Variants in NCKAP5 observed in about 807,000 individuals in gnomAD.
The protein encoded by NCKAP5 is nck-associated protein 5.
A neutral mutation model predicts 167.0 loss-of-function variants in NCKAP5; 92 were observed. That is an observed-to-expected ratio of 0.55 (90% CI 0.47 to 0.66). The LOEUF is 0.66. Ranked by LOEUF, NCKAP5 falls within the 30% of genes least tolerant of loss-of-function variation. NCKAP5 has a pLI of 0.00. For synonymous variants in NCKAP5, 891 were observed against 877.4 expected (o/e 1.02, Z -0.27); for missense variants, 2,378 against 2,315.0 (o/e 1.03, Z -0.56).
At chr2:132,781,835 G>T in intron 14 of NCKAP5, 105 bp downstream of exon 14, 2 of 1,083,242 alleles carry the variant, frequency 1.8e-6, no homozygotes. Flanking sequence ...CTGCCTGTAT[G>T]AAAAAACATG....
intron 4 of NCKAP5, among the ~76,000 whole-genome samples, chr2:133,225,033 A>G (rs903339208): frequency 6.6e-6 from 1 of 152,106 alleles, no homozygotes; most frequent in Non-Finnish European, 1.5e-5. Context: ...TGCCTCTGCA[A>G]CCCCACTTTG....
chr2:133,073,480 G>A (rs576554117), intron 6 of NCKAP5, among the ~76,000 whole-genome samples: 15 of 152,228 alleles, frequency 9.9e-5, no homozygotes, highest in African/African-American at 3.4e-4. Flanking sequence ...GATAGTGCCA[G>A]GCTGGCACAC....
chr2:133,402,111 T>C (rs1315313392), intron 3 of NCKAP5, among the ~76,000 whole-genome samples: 3 of 152,184 alleles, frequency 2.0e-5, no homozygotes, highest in African/African-American at 4.8e-5. Context: ...TTAGTTAGGA[T>C]TTAATCCAGA....
chr2:133,578,665 A>G, the NCKAP5 span, among the ~76,000 whole-genome samples: 1 of 152,152 alleles, frequency 6.6e-6, no homozygotes, highest in Non-Finnish European at 1.5e-5. Flanking sequence ...CACGTCTCCT[A>G]TGTTCAGTCC....
At chr2:133,088,693 A>G (rs2081075727) in intron 6 of NCKAP5, among the ~76,000 whole-genome samples, 1 of 152,200 alleles carries the variant, frequency 6.6e-6, no homozygotes, top group Admixed American at 6.6e-5. Context: ...ATTTACCTAC[A>G]ACATTATTTC....
At chr2:133,128,848 T>A (rs946803369) in intron 6 of NCKAP5, among the ~76,000 whole-genome samples, 1 of 152,082 alleles carries the variant, frequency 6.6e-6, no homozygotes, top group African/African-American at 2.4e-5. Context: ...TCCGCCCACC[T>A]TGGCCTTCCA....
intron 8 of NCKAP5, among the ~76,000 whole-genome samples, chr2:132,925,916 A>G (rs1461241600): frequency 6.6e-6 from 1 of 152,234 alleles, no homozygotes; most frequent in Non-Finnish European, 1.5e-5. Context: ...TTTAGGGGGT[A>G]CAAGTGCAGT....
At chr2:133,547,500 A>G (rs901129793) in intron 2 of NCKAP5, among the ~76,000 whole-genome samples, 21 of 152,012 alleles carry the variant, frequency 1.4e-4, no homozygotes, top group Admixed American at 1.3e-3. Flanking sequence ...TGAAGAGAGC[A>G]GTGGTTCTCC....
the NCKAP5 span, among the ~76,000 whole-genome samples, chr2:133,590,265 C>T: frequency 1.3e-5 from 2 of 151,836 alleles, no homozygotes; most frequent in African/African-American, 4.8e-5. Flanking sequence ...CCGAGGTGGG[C>T]AGATCACGAG....
intron 19 of NCKAP5, among the ~76,000 whole-genome samples, chr2:132,683,185 T>G (rs767188820): frequency 6.6e-6 from 1 of 152,010 alleles, no homozygotes; most frequent in African/African-American, 2.4e-5. Flanking sequence ...CACATAAAGA[T>G]AGTCTATAGA....
intron 19 of NCKAP5, among the ~76,000 whole-genome samples, chr2:132,680,076 G>T (rs1298561412): frequency 6.6e-6 from 1 of 152,050 alleles, no homozygotes; most frequent in Non-Finnish European, 1.5e-5. Context: ...GATCACTAGA[G>T]ACCCCTCCAC....
intron 6 of NCKAP5, among the ~76,000 whole-genome samples, chr2:133,039,046 G>A (rs923149826): frequency 4.6e-5 from 7 of 152,184 alleles, no homozygotes; most frequent in African/African-American, 1.7e-4. Flanking sequence ...AGACAAGGAT[G>A]TGGCCACCAA....
intron 6 of NCKAP5, among the ~76,000 whole-genome samples, chr2:133,014,844 A>G (rs1206287973): frequency 6.6e-6 from 1 of 152,196 alleles, no homozygotes; most frequent in African/African-American, 2.4e-5. Flanking sequence ...CCATTGAAAG[A>G]CTTTCTAATT....
At chr2:132,844,329 G>T (rs995345224) in intron 11 of NCKAP5, among the ~76,000 whole-genome samples, 1 of 151,926 alleles carries the variant, frequency 6.6e-6, no homozygotes, top group Non-Finnish European at 1.5e-5. Flanking sequence ...TTACTGTAAA[G>T]AATTCAAATA....
chr2:133,338,335 G>A (rs544553663), intron 3 of NCKAP5, among the ~76,000 whole-genome samples: 70 of 152,224 alleles, frequency 4.6e-4, no homozygotes, highest in Middle Eastern at 6.8e-3. Flanking sequence ...AAATGTACAC[G>A]AATGATTCTG....
At chr2:133,565,181 T>C (rs1299963639) in intron 1 of NCKAP5, among the ~76,000 whole-genome samples, 1 of 152,124 alleles carries the variant, frequency 6.6e-6, no homozygotes, top group South Asian at 2.1e-4. Flanking sequence ...ATTTCAGTAA[T>C]AGAGAGCAGC....
intron 11 of NCKAP5, among the ~76,000 whole-genome samples, chr2:132,834,664 AT>A (rs1687761368): frequency 6.6e-6 from 1 of 151,906 alleles, no homozygotes; most frequent in Non-Finnish European, 1.5e-5. Flanking sequence ...TAAATTTTAA[AT>A]TTTTGTAGAG....
Position 132,783,637 on chromosome 2 carries a change from T to C in NCKAP5, c.3174A>G (p.Gln1058=). The change falls in exon 14 of 20, where the codon CAA becomes CAG. Residue 1058 remains glutamine, a synonymous_variant. Coordinates refer to ENST00000409261, the MANE Select transcript of NCKAP5 (RefSeq NM_207363.3). ...TGGGAGTCTGTAATCCTATGTCCCT[T>C]TGTGGGGTCCCAAGTGTTTGGCGAG... ...TSPRQTLGTP[Q]RDIGLQTPRI... is the part of the protein sequence containing the mutation. 3 of 1,613,820 alleles carry C rather than the reference T, an allele frequency of 1.9e-6. No homozygotes were observed. Among genetic ancestry groups the C allele is most frequent in the Non-Finnish European group, 2.5e-6 (3 of 1,179,840 alleles).
intron 11 of NCKAP5, among the ~76,000 whole-genome samples, chr2:132,852,986 C>T (rs924360998): frequency 2.0e-5 from 3 of 152,172 alleles, no homozygotes; most frequent in Admixed American, 6.5e-5. Flanking sequence ...GGAGCTAGTA[C>T]ACTACCAAGG....
Sources: allele counts gnomAD v4.1 joint callset (sites outside exome capture counted in the v4.1 genomes callset), GRCh38; gene constraint gnomAD v4.1.1; transcripts MANE v1.5; gene names NCBI Gene and HGNC (gene_info 2026-07-23, HGNC 2026-07-21).